IQCM: variants seen among roughly 807,000 people sequenced by gnomAD.
The protein encoded by IQCM is IQ domain-containing protein M.
IQCM carries 45 observed loss-of-function variants against 57.6 expected under a neutral mutation model. The observed-to-expected ratio is 0.78, with a 90% CI of 0.62 to 1.00. The LOEUF (loss-of-function observed/expected upper bound fraction) is 1.00. Among genes scored for constraint, IQCM ranks in the 50% least tolerant of loss-of-function variants. The pLI is 0.00. For synonymous variants in IQCM, 148 were observed against 158.9 expected (o/e 0.93, Z 0.51); for missense variants, 468 against 511.6 (o/e 0.91, Z 0.82).
intron 12 of IQCM, among the ~76,000 whole-genome samples, chr4:149,522,273 A>G (rs1166652153): frequency 3.3e-5 from 5 of 152,196 alleles, no homozygotes; most frequent in Non-Finnish European, 1.5e-5. Context: ...CACAGCTTAA[A>G]GTAACCAGTA....
At chr4:149,364,612 A>T (rs1729709780) in intron 13 of IQCM, among the ~76,000 whole-genome samples, 1 of 152,116 alleles carries the variant, frequency 6.6e-6, no homozygotes, top group Non-Finnish European at 1.5e-5. Flanking sequence ...GATGAAAGGA[A>T]ATGAGAGAGC....
chr4:149,609,678 T>C (rs1755106565), intron 8 of IQCM, among the ~76,000 whole-genome samples: 1 of 152,026 alleles, frequency 6.6e-6, no homozygotes, highest in Middle Eastern at 3.4e-3. Context: ...TTTGACAAAA[T>C]TCAGCATCCC....
chr4:149,736,937 G>T (rs1766993639), intron 3 of IQCM, among the ~76,000 whole-genome samples: 1 of 152,126 alleles, frequency 6.6e-6, no homozygotes, highest in African/African-American at 2.4e-5. Flanking sequence ...AAACAGCCCA[G>T]ATATGTAACA....
chr4:149,610,802 G>A (rs1240825350), intron 8 of IQCM, among the ~76,000 whole-genome samples: 3 of 152,084 alleles, frequency 2.0e-5, no homozygotes, highest in Admixed American at 6.6e-5. Flanking sequence ...CTAGGATGTA[G>A]GTCTTGGCAA....
At chr4:149,492,937 C>T (rs574332580) in intron 12 of IQCM, among the ~76,000 whole-genome samples, 3 of 152,252 alleles carry the variant, frequency 2.0e-5, no homozygotes, top group Admixed American at 6.5e-5. Flanking sequence ...AGTCATCTGA[C>T]CCCTGACTGC....
chr4:149,803,452 G>C (rs185760107), intron 2 of IQCM, among the ~76,000 whole-genome samples: 1 of 151,838 alleles, frequency 6.6e-6, no homozygotes, highest in African/African-American at 2.4e-5. Context: ...GCCTTTCTTT[G>C]ACCATCTTCA....
At chr4:149,444,496 G>A (rs1285526418) in intron 12 of IQCM, among the ~76,000 whole-genome samples, 1 of 151,842 alleles carries the variant, frequency 6.6e-6, no homozygotes, top group Non-Finnish European at 1.5e-5. Flanking sequence ...TTCTAAAAGA[G>A]CAAGATTAAT....
At chr4:149,427,552 A>G (rs1176966384) in intron 13 of IQCM, among the ~76,000 whole-genome samples, 3 of 151,940 alleles carry the variant, frequency 2.0e-5, no homozygotes, top group Non-Finnish European at 4.4e-5. Context: ...ATAGAACACA[A>G]CCATTTCACT....
rs554509003 is a variant in IQCM, at chr4:149,472,587, C to T, written c.1229-39030G>A. Among the ~76,000 whole-genome samples, 9 of 152,274 alleles carry T rather than the reference C, an allele frequency of 5.9e-5. No individual in the cohort carries two copies. The South Asian group carries it at 1.2e-3, about 21-fold the overall frequency. ...ATTCAATACCATCTCCATCAAGCTA[C>T]CAATGACTTTCTTCACAGAATTGGA... On this transcript the variant is annotated intron_variant, in intron 12 of 13. Transcript: ENST00000636793.
intron 5 of IQCM, among the ~76,000 whole-genome samples, chr4:149,724,510 A>G (rs1011014047): frequency 1.3e-5 from 2 of 151,870 alleles, no homozygotes; most frequent in East Asian, 3.9e-4. Context: ...CACTCATACA[A>G]ATATGTAGAG....
chr4:149,498,308 C>T (rs189696071), intron 12 of IQCM, among the ~76,000 whole-genome samples: 182 of 152,264 alleles, frequency 1.2e-3, no homozygotes, highest in African/African-American at 4.1e-3. Flanking sequence ...AGCAGAACAG[C>T]TCTGTGACTC....
At chr4:149,745,850 T>A (rs1767873273) in intron 2 of IQCM, among the ~76,000 whole-genome samples, 1 of 151,962 alleles carries the variant, frequency 6.6e-6, no homozygotes, top group Non-Finnish European at 1.5e-5. Context: ...ATTCATATAG[T>A]CCCAGCTACT....
chr4:149,677,182 C>A (rs1761824765), intron 7 of IQCM, among the ~76,000 whole-genome samples: 1 of 152,038 alleles, frequency 6.6e-6, no homozygotes, highest in Non-Finnish European at 1.5e-5. Flanking sequence ...CTCCCCTGGC[C>A]CATAAGAAGC....
rs537102203 is a variant in IQCM at position 149,472,693 on chromosome 4, A to G, written c.1229-39136T>C. 1.3e-3 allele frequency among the ~76,000 whole-genome samples: 201 copies of G among 152,222 alleles called. 9 individuals are homozygous for G. The South Asian group carries it at 0.041, about 31-fold the overall frequency. On this transcript the variant is annotated intron_variant, in intron 12 of 13. Transcript: ENST00000636793. ...ATCTTAAGCCAAAAGAAAAAAGCTG[A>G]AGGCATCACACTACCTGACTTCAAA...
At chr4:149,568,673 G>C (rs957697962) in intron 9 of IQCM, among the ~76,000 whole-genome samples, 1 of 152,006 alleles carries the variant, frequency 6.6e-6, no homozygotes, top group Non-Finnish European at 1.5e-5. Flanking sequence ...TGCTACCATG[G>C]GAGGCTGAGG....
chr4:149,552,740 C>G (rs1749157009), intron 11 of IQCM, among the ~76,000 whole-genome samples: 1 of 152,088 alleles, frequency 6.6e-6, no homozygotes, highest in African/African-American at 2.4e-5. Flanking sequence ...TGCTGTCTCC[C>G]TGGAATATGA....
chr4:149,466,505 T>C (rs1275212386), intron 12 of IQCM, among the ~76,000 whole-genome samples: 1 of 152,186 alleles, frequency 6.6e-6, no homozygotes, highest in Non-Finnish European at 1.5e-5. Context: ...TCTCCTAGGA[T>C]TAGCATGGAC....
chr4:149,810,377 A>G lies in IQCM; in HGVS notation c.-49+4934T>C, dbSNP rs1229905703. Among the ~76,000 whole-genome samples, 5 of 152,060 alleles carry G rather than the reference A, an allele frequency of 3.3e-5. No individual in the cohort carries two copies. The South Asian group carries it at 6.2e-4, about 19-fold the overall frequency. ...ACACCATCTCCAAAAAAAAAAAAAA[A>G]AAAGAAAAGTTGGAGTGCTTATACC... is the stretch of plus-strand genomic sequence containing the variant. On this transcript the variant is annotated intron_variant, in intron 2 of 13. Transcript: ENST00000636793.
intron 3 of IQCM, among the ~76,000 whole-genome samples, chr4:149,740,434 G>A (rs1767349341): frequency 6.6e-6 from 1 of 152,130 alleles, no homozygotes; most frequent in Non-Finnish European, 1.5e-5. Flanking sequence ...GTAAATAAAT[G>A]CCTTGACAGT....
Sources: gnomAD v4.1 joint callset for allele counts (sites outside exome capture counted in the v4.1 genomes callset) on GRCh38, gnomAD v4.1.1 for gene constraint, MANE v1.5 for transcripts, NCBI Gene and HGNC (gene_info 2026-07-23, HGNC 2026-07-21) for gene names.